The following ZNF423 variants were observed in gnomAD, a reference collection of about 807,000 sequenced individuals.
ZNF423 encodes the protein zinc finger protein 423, also known as Ebf-associated zinc finger protein.
A neutral mutation model predicts 95.8 loss-of-function variants in ZNF423; 12 were observed. The ratio of observed to expected loss-of-function variants is 0.13; its 90% CI spans 0.08 to 0.20. The LOEUF is 0.20. Ranked by LOEUF, ZNF423 falls within the 10% of genes least tolerant of loss-of-function variation. ZNF423 has a pLI of 1.00. For synonymous variants in ZNF423, 749 were observed against 711.9 expected, an observed-to-expected ratio of 1.05 and a Z score of -0.83; for missense variants, 1,316 against 1,737.1, an observed-to-expected ratio of 0.76 and a Z score of 4.31.
chr16:49,518,334 C>A, intron 7 of ZNF423: 1 of 412,152 alleles, frequency 2.4e-6, no homozygotes, highest in Non-Finnish European at 4.7e-6. Flanking sequence ...TGAATGTGTC[C>A]AGTGACAATC....
At chr16:49,773,838 T>C (rs2034076737) in intron 2 of ZNF423, among the ~76,000 whole-genome samples, 1 of 152,128 alleles carries the variant, frequency 6.6e-6, no homozygotes. Context: ...GCAATGCCTA[T>C]GGAAATGCCT....
chr16:49,595,985 A>G (rs1474015913), intron 5 of ZNF423, among the ~76,000 whole-genome samples: 1 of 152,194 alleles, frequency 6.6e-6, no homozygotes, highest in African/African-American at 2.4e-5. Flanking sequence ...GCTATTATTA[A>G]AATCTTAAAA....
At chr16:49,718,006 CA>C in intron 3 of ZNF423, among the ~76,000 whole-genome samples, 1 of 152,314 alleles carries the variant, frequency 6.6e-6, no homozygotes, top group South Asian at 2.1e-4. Context: ...ATCCCCTGGC[CA>C]AAGTTATCGA....
At chr16:49,789,615 G>A in intron 1 of ZNF423, 69 bp from the exon 2 acceptor site, 1 of 1,496,190 alleles carries the variant, frequency 6.7e-7, no homozygotes, top group Non-Finnish European at 9.0e-7. Context: ...AAGGCACAGG[G>A]CGAGGAAGAA....
At chr16:49,835,354 G>A (rs2035106374) in intron 1 of ZNF423, among the ~76,000 whole-genome samples, 1 of 152,216 alleles carries the variant, frequency 6.6e-6, no homozygotes, top group Admixed American at 6.5e-5. Context: ...GGACTGTGGC[G>A]GTGCCAGGCC....
intron 5 of ZNF423, among the ~76,000 whole-genome samples, chr16:49,560,028 C>G (rs746159): frequency 0.11 from 16,653 of 152,182 alleles, 1,191 homozygotes; most frequent in East Asian, 0.27. Context: ...GTCACAGTAG[C>G]CTGAGAGCAG....
intron 3 of ZNF423, among the ~76,000 whole-genome samples, chr16:49,682,936 C>A (rs988644161): frequency 6.6e-6 from 1 of 152,174 alleles, no homozygotes; most frequent in African/African-American, 2.4e-5. Context: ...CAGCGCAGAG[C>A]CGCAACCCCA....
At chr16:49,545,995 G>A (rs1373154440) in intron 5 of ZNF423, among the ~76,000 whole-genome samples, 5 of 152,226 alleles carry the variant, frequency 3.3e-5, no homozygotes, top group East Asian at 1.9e-4. Flanking sequence ...ATTCATAATC[G>A]CCATTGGTAG....
At chr16:49,685,857 G>A (rs551792959) in intron 3 of ZNF423, among the ~76,000 whole-genome samples, 7 of 152,128 alleles carry the variant, frequency 4.6e-5, no homozygotes, top group Non-Finnish European at 1.0e-4. Context: ...GGTCCCACCC[G>A]TACACACGCT....
chr16:49,531,870 G>T (rs1402081038), intron 5 of ZNF423, among the ~76,000 whole-genome samples: 1 of 152,166 alleles, frequency 6.6e-6, no homozygotes, highest in Non-Finnish European at 1.5e-5. Flanking sequence ...AGCCCGGGCA[G>T]CACCTGGGAG....
At chr16:49,528,460 G>A (rs1968704137) in intron 5 of ZNF423, among the ~76,000 whole-genome samples, 1 of 152,128 alleles carries the variant, frequency 6.6e-6, no homozygotes, top group South Asian at 2.1e-4. Flanking sequence ...TAGATCAAGA[G>A]CCCAACAGAC....
At chr16:49,859,176 T>G (rs1478842702), upstream of ZNF423, among the ~76,000 whole-genome samples, 2 of 152,006 alleles carry the variant, frequency 1.3e-5, no homozygotes, top group African/African-American at 4.8e-5. Context: ...GGGGCTGCCC[T>G]TTTCCACCCC....
chr16:49,626,038 T>C (rs191740243), intron 5 of ZNF423, 132 bp downstream of exon 5: 15 of 823,030 alleles, frequency 1.8e-5, no homozygotes, highest in African/African-American at 3.4e-5. Flanking sequence ...TTCACTCCCA[T>C]GTGCAATGTC....
At chr16:49,832,045 T>C (rs11646103) in intron 1 of ZNF423, among the ~76,000 whole-genome samples, 17,012 of 151,756 alleles carry the variant, frequency 0.11, 1,252 homozygotes, top group South Asian at 0.21. Context: ...TTGTTGCTTC[T>C]GACTTTTCCT....
At chr16:49,785,105 A>T (rs905858631) in intron 2 of ZNF423, among the ~76,000 whole-genome samples, 2 of 152,034 alleles carry the variant, frequency 1.3e-5, no homozygotes, top group African/African-American at 4.8e-5. Context: ...CAGGCAAGTT[A>T]TCACTCTGTC....
At chr16:49,535,332 A>G (rs1365172646) in intron 5 of ZNF423, among the ~76,000 whole-genome samples, 2 of 152,142 alleles carry the variant, frequency 1.3e-5, no homozygotes, top group African/African-American at 4.8e-5. Flanking sequence ...CTAACTTCCT[A>G]TGACGCTGGC....
intron 1 of ZNF423, among the ~76,000 whole-genome samples, chr16:49,852,840 A>G (rs1284231623): frequency 6.6e-6 from 1 of 152,022 alleles, no homozygotes; most frequent in Non-Finnish European, 1.5e-5. Context: ...AGAAGGACAA[A>G]CACACTGCGG....
chr16:49,791,981 CA>C (rs2034421845), intron 1 of ZNF423, among the ~76,000 whole-genome samples: 1 of 109,840 alleles, frequency 9.1e-6, no homozygotes, highest in Non-Finnish European at 1.7e-5. Context: ...AGCCTGGGCA[CA>C]ACAGAACGAG....
At position 49,636,373 on chromosome 16, in the gene ZNF423, T is replaced by C. The variant is rs1480006275; in HGVS notation, c.2803A>G (p.Lys935Glu). ...DGSRKKAEFI[K>E]GSHKCNVCSR... ...CAAACGTTGCACTTGTGACTGCCCT[T>C]GATAAACTCAGCCTTCTTGCGTGAG... is the stretch of plus-strand genomic sequence containing the variant. The change falls in exon 4 of 8, where the codon AAG becomes GAG. Residue 935 changes from lysine to glutamate, a missense_variant. By Grantham distance (56) the Lys-to-Glu change is moderately conservative. Around this residue, in one of 6 missense-constraint regions of ZNF423, gnomAD observed 620 missense variants for 775.6 expected, o/e 0.80. Transcript: ENST00000563137. This position sits in a 1 kb window ranked among gnomAD's most constrained non-coding sequence, Gnocchi z 8.6. The C allele has an allele frequency of 8.7e-6, 14 of 1,612,862 alleles. No homozygotes were observed. Among genetic ancestry groups the C allele is most frequent in the Non-Finnish European group, 1.1e-5 (13 of 1,180,016 alleles).
Sources: allele counts gnomAD v4.1 joint callset (sites outside exome capture counted in the v4.1 genomes callset), GRCh38; gene constraint gnomAD v4.1.1; regional missense constraint gnomAD v4.1.1; non-coding constraint Gnocchi (gnomAD v3.1); transcripts MANE v1.5; gene names NCBI Gene and HGNC (gene_info 2026-07-23, HGNC 2026-07-21).